Variants in MPP7 observed in about 807,000 individuals in gnomAD.
MPP7 encodes MAGUK p55 subfamily member 7.
Under a neutral mutation model 76.5 loss-of-function variants are expected in MPP7, and 60 were observed. That is an observed-to-expected ratio of 0.78 (90% CI 0.64 to 0.97). MPP7 has a LOEUF of 0.97. Among genes scored for constraint, MPP7 ranks in the 50% least tolerant of loss-of-function variants. The probability of loss-of-function intolerance (pLI) is 0.00; values close to 1 mark genes in which losing one functional copy is unlikely to be tolerated. For synonymous variants in MPP7, 237 were observed against 244.5 expected (o/e 0.97, Z 0.29); for missense variants, 641 against 694.0 (o/e 0.92, Z 0.86).
intron 12 of MPP7, among the ~76,000 whole-genome samples, chr10:28,076,766 T>C (rs1276042019): frequency 1.3e-5 from 2 of 151,948 alleles, no homozygotes; most frequent in African/African-American, 4.8e-5. Context: ...CACACACCTG[T>C]AATCCCAGCT....
chr10:28,298,740 T>C (rs1385983494), intron 1 of MPP7, among the ~76,000 whole-genome samples: 1 of 152,184 alleles, frequency 6.6e-6, no homozygotes, highest in Non-Finnish European at 1.5e-5. Flanking sequence ...TCTTCCAATA[T>C]AAGGCTGTTT....
At chr10:28,258,365 AAAT>A (rs1839850944) in intron 1 of MPP7, among the ~76,000 whole-genome samples, 1 of 146,324 alleles carries the variant, frequency 6.8e-6, no homozygotes, top group African/African-American at 2.5e-5. Flanking sequence ...GATAAGATAT[AAAT>A]AACATATTAA....
At chr10:28,281,851 C>T (rs888836663) in intron 1 of MPP7, among the ~76,000 whole-genome samples, 6 of 152,044 alleles carry the variant, frequency 3.9e-5, no homozygotes, top group African/African-American at 1.5e-4. Context: ...TCTAGTTTTA[C>T]GGTCCACATT....
intron 3 of MPP7, among the ~76,000 whole-genome samples, chr10:28,177,981 G>C (rs1451824631): frequency 6.6e-6 from 1 of 152,128 alleles, no homozygotes; most frequent in South Asian, 2.1e-4. Context: ...AAAAACTGAA[G>C]AGCCATGGAG....
intron 3 of MPP7, among the ~76,000 whole-genome samples, chr10:28,150,385 TTA>T (rs1014530056): frequency 1.3e-4 from 20 of 152,234 alleles, no homozygotes; most frequent in Non-Finnish European, 4.4e-5. Flanking sequence ...GTGATGTCTA[TTA>T]TATCTAAAAT....
chr10:28,069,461 G>A (rs1256718129), intron 13 of MPP7, among the ~76,000 whole-genome samples: 3 of 151,936 alleles, frequency 2.0e-5, no homozygotes, highest in African/African-American at 7.3e-5. Flanking sequence ...AAAATAAGCT[G>A]GGTGTGGTGG....
intron 3 of MPP7, among the ~76,000 whole-genome samples, chr10:28,154,306 A>G (rs61842989): frequency 0.048 from 7,244 of 152,250 alleles, 240 homozygotes; most frequent in Middle Eastern, 0.075. Context: ...GCCCTAGAAA[A>G]GTAGCTATTC....
chr10:28,200,607 T>C (rs765264817), intron 3 of MPP7, among the ~76,000 whole-genome samples: 4 of 152,222 alleles, frequency 2.6e-5, no homozygotes, highest in African/African-American at 2.4e-5. Flanking sequence ...AACAACCATC[T>C]CTGTAGTTCC....
intron 1 of MPP7, chr10:28,282,221 C>T (rs1273009427): frequency 6.6e-6 from 1 of 152,046 alleles, no homozygotes; most frequent in Non-Finnish European, 1.5e-5. Flanking sequence ...AACTACACCT[C>T]AGTATATTGT....
intron 1 of MPP7, among the ~76,000 whole-genome samples, chr10:28,273,693 C>T (rs572068272): frequency 1.1e-4 from 17 of 152,328 alleles, no homozygotes; most frequent in African/African-American, 3.6e-4. Context: ...AATGCAAACA[C>T]GATGAAAGAA....
intron 5 of MPP7, among the ~76,000 whole-genome samples, chr10:28,144,632 C>CCCCAA (rs1236097757): frequency 2.6e-5 from 4 of 152,114 alleles, no homozygotes; most frequent in Admixed American, 2.6e-4. Flanking sequence ...CACATCCCAC[C>CCCCAA]CCCAACCCAT....
At chr10:28,296,128 A>T (rs1387914459) in intron 1 of MPP7, among the ~76,000 whole-genome samples, 1 of 152,184 alleles carries the variant, frequency 6.6e-6, no homozygotes, top group Non-Finnish European at 1.5e-5. Flanking sequence ...CCTGTCTTAA[A>T]ATGCTTAATG....
chr10:28,227,546 T>TA (rs1466286690), intron 2 of MPP7, among the ~76,000 whole-genome samples: 7 of 152,210 alleles, frequency 4.6e-5, no homozygotes, highest in Admixed American at 3.9e-4. Flanking sequence ...AGCTCCCACT[T>TA]ACAAGAGAAA....
At chr10:28,110,251 G>A (rs963676859) in intron 11 of MPP7, among the ~76,000 whole-genome samples, 4 of 151,892 alleles carry the variant, frequency 2.6e-5, no homozygotes, top group African/African-American at 4.8e-5. Flanking sequence ...CACCACACCC[G>A]GCTAATTTTT....
chr10:28,183,675 T>C (rs958558227), intron 3 of MPP7, among the ~76,000 whole-genome samples: 19 of 152,162 alleles, frequency 1.2e-4, no homozygotes, highest in Non-Finnish European at 2.4e-4. Context: ...TAGTCCTAGC[T>C]ACTTGGAAAG....
intron 3 of MPP7, among the ~76,000 whole-genome samples, chr10:28,195,368 C>T (rs1302109389): frequency 2.6e-5 from 4 of 152,144 alleles, no homozygotes; most frequent in Non-Finnish European, 5.9e-5. Flanking sequence ...TACCATTTAA[C>T]CTAGCAATTC....
chr10:28,131,465 A>T, intron 6 of MPP7, 95 bp downstream of exon 6: 1 of 1,084,558 alleles, frequency 9.2e-7, no homozygotes, highest in African/African-American at 1.6e-5. Flanking sequence ...GTTTAAGAAC[A>T]TAGAGGAAGT....
At chr10:28,111,978 C>T (rs772819733) in intron 11 of MPP7, among the ~76,000 whole-genome samples, 2 of 152,154 alleles carry the variant, frequency 1.3e-5, no homozygotes, top group African/African-American at 4.8e-5. Context: ...GAAAACACTT[C>T]CAGGAAGGTG....
intron 12 of MPP7, among the ~76,000 whole-genome samples, chr10:28,074,527 C>T (rs1852398165): frequency 6.6e-6 from 1 of 152,090 alleles, no homozygotes; most frequent in African/African-American, 2.4e-5. Context: ...AAACTCCTGG[C>T]CTCAAGTGAT....
Sources: allele counts gnomAD v4.1 joint callset (sites outside exome capture counted in the v4.1 genomes callset), GRCh38; gene constraint gnomAD v4.1.1; transcripts MANE v1.5; gene names NCBI Gene and HGNC (gene_info 2026-07-23, HGNC 2026-07-21).